MSR1: variants seen among roughly 807,000 people sequenced by gnomAD.
The protein encoded by MSR1 is macrophage scavenger receptor 1.
In MSR1, 53 loss-of-function variants were observed where a neutral mutation model predicts 47.2. The ratio of observed to expected loss-of-function variants is 1.12; its 90% CI spans 0.90 to 1.41. The LOEUF is 1.41. Ranked by LOEUF, MSR1 falls within the 40% of genes most tolerant of loss-of-function variation. The probability of loss-of-function intolerance (pLI) is 0.00; values close to 1 mark genes in which losing one functional copy is unlikely to be tolerated. For missense variants in MSR1, 786 were observed against 546.9 expected (o/e 1.44, Z -4.36); for synonymous variants, 239 against 185.6 (o/e 1.29, Z -2.34).
chr8:16,167,513 C>A (rs185949638), intron 4 of MSR1, among the ~76,000 whole-genome samples: 50 of 152,254 alleles, frequency 3.3e-4, no homozygotes, highest in Admixed American at 2.4e-3. Context: ...CCATTGCACT[C>A]CAGCCTGGGC....
intron 3 of MSR1, among the ~76,000 whole-genome samples, chr8:16,169,315 A>G (rs576469376): frequency 2.0e-4 from 30 of 152,358 alleles, no homozygotes; most frequent in Middle Eastern, 3.4e-3. Context: ...GACAAAAGCA[A>G]TAAGTGGTGA....
intron 9 of MSR1, among the ~76,000 whole-genome samples, chr8:16,114,643 C>T (rs1229757016): frequency 6.6e-6 from 1 of 152,042 alleles, no homozygotes; most frequent in Admixed American, 6.6e-5. Context: ...CTTAATTAAA[C>T]TTGTTTTGTC....
intron 9 of MSR1, among the ~76,000 whole-genome samples, chr8:16,116,433 A>G (rs76648343): frequency 6.6e-6 from 1 of 152,094 alleles, no homozygotes. Flanking sequence ...TGATAATAAA[A>G]CTCTGGGACA....
At chr8:16,174,430 C>T (rs59363869) in intron 3 of MSR1, among the ~76,000 whole-genome samples, 2,015 of 152,100 alleles carry the variant, frequency 0.013, 38 homozygotes, top group African/African-American at 0.046. Context: ...AAATGCTACG[C>T]GGGGAATAAT....
chr8:16,184,092 C>A (rs1286365510), intron 1 of MSR1, among the ~76,000 whole-genome samples: 1 of 151,324 alleles, frequency 6.6e-6, no homozygotes, highest in African/African-American at 2.4e-5. Flanking sequence ...CAATATGGAA[C>A]TGAGAGCAGT....
chr8:16,110,181 A>G lies in MSR1; in HGVS notation c.1260T>C (p.Phe420=). 6.2e-7 allele frequency: 1 copy of G among 1,613,658 alleles called. No individual in the cohort carries two copies. Among genetic ancestry groups the G allele is most frequent in the Non-Finnish European group, 8.5e-7 (1 of 1,179,662 alleles). ...ATTCTTCAATAGATGATTCTCTCCC[A>G]AAACAAAACACTTCATTCAGCCATA... is the stretch of plus-strand genomic sequence containing the variant. ...GPIWLNEVFC[F]GRESSIEECK... is the part of the protein sequence containing the mutation. The change falls in exon 10 of 10, where the codon TTT becomes TTC. Residue 420 remains phenylalanine (F), a synonymous_variant. Coordinates refer to ENST00000262101, the MANE Select transcript of MSR1 (RefSeq NM_138715.3).
intron 5 of MSR1, among the ~76,000 whole-genome samples, chr8:16,160,421 T>C (rs1303293558): frequency 2.6e-5 from 4 of 152,004 alleles, no homozygotes; most frequent in African/African-American, 2.4e-5. Context: ...TCAACACATA[T>C]GTAATTGCTC....
intron 5 of MSR1, among the ~76,000 whole-genome samples, chr8:16,157,392 T>A (rs1226939894): frequency 1.3e-5 from 2 of 151,858 alleles, no homozygotes; most frequent in African/African-American, 4.8e-5. Context: ...GAGTTAAAGA[T>A]CCCTCTCTGT....
At chr8:16,139,639 C>T in intron 8 of MSR1, 2 of 969,464 alleles carry the variant, frequency 2.1e-6, no homozygotes, top group Non-Finnish European at 2.4e-6. Flanking sequence ...TATTCTTTTT[C>T]ATGATCAAAA....
intron 8 of MSR1, 112 bp from the exon 9 acceptor site, chr8:16,120,718 T>G: frequency 7.7e-7 from 1 of 1,304,354 alleles, no homozygotes; most frequent in Non-Finnish European, 1.0e-6. Context: ...TTAGCACATT[T>G]TCCAAATAAC....
chr8:16,140,907 G>A, intron 8 of MSR1: 1 of 1,610,938 alleles, frequency 6.2e-7, no homozygotes, highest in Non-Finnish European at 8.5e-7. Flanking sequence ...GTCACAAAAG[G>A]ATCTTGGAAG....
At chr8:16,124,738 A>T (rs1278309348) in intron 8 of MSR1, among the ~76,000 whole-genome samples, 1 of 152,052 alleles carries the variant, frequency 6.6e-6, no homozygotes, top group Non-Finnish European at 1.5e-5. Flanking sequence ...ACTGAAAGAA[A>T]CCCGTTATAG....
intron 7 of MSR1, among the ~76,000 whole-genome samples, chr8:16,143,924 G>C (rs1412505306): frequency 6.6e-6 from 1 of 151,846 alleles, no homozygotes; most frequent in Non-Finnish European, 1.5e-5. Flanking sequence ...CCTTTGACTG[G>C]GTCTTACTCA....
At chr8:16,187,070 G>C (rs76111824) in intron 1 of MSR1, among the ~76,000 whole-genome samples, 22,356 of 151,716 alleles carry the variant, frequency 0.15, 2,183 homozygotes, top group African/African-American at 0.25. Flanking sequence ...CACTCAGGCC[G>C]TCATTAAAGT....
intron 1 of MSR1, among the ~76,000 whole-genome samples, chr8:16,189,349 A>T (rs1180207890): frequency 1.7e-5 from 2 of 119,846 alleles, no homozygotes; most frequent in Non-Finnish European, 3.2e-5. Context: ...ATAAAATCTT[A>T]TTTTATATAT....
chr8:16,191,199 G>A (rs954307297), intron 1 of MSR1, among the ~76,000 whole-genome samples: 14 of 152,240 alleles, frequency 9.2e-5, no homozygotes, highest in Non-Finnish European at 1.9e-4. Flanking sequence ...TAAGGAACCC[G>A]TCTGTAAGAC....
chr8:16,171,730 C>T (rs562595886), intron 3 of MSR1, among the ~76,000 whole-genome samples: 13 of 152,266 alleles, frequency 8.5e-5, no homozygotes, highest in East Asian at 7.7e-4. Context: ...TTTCCTCTAA[C>T]GTTGTCCTTT....
chr8:16,122,736 A>T, intron 8 of MSR1, among the ~76,000 whole-genome samples: 1 of 151,296 alleles, frequency 6.6e-6, no homozygotes, highest in Non-Finnish European at 1.5e-5. Context: ...CTGCTGATAC[A>T]ATCCTTTCAT....
chr8:16,188,967 CATATATATATATAT>C (rs200739372), intron 1 of MSR1, among the ~76,000 whole-genome samples: 4 of 122,276 alleles, frequency 3.3e-5, no homozygotes, highest in Admixed American at 8.5e-5. Flanking sequence ...AACACACATA[CATATATATATATAT>C]ATATATATAT....
Sources: allele counts gnomAD v4.1 joint callset (sites outside exome capture counted in the v4.1 genomes callset), GRCh38; gene constraint gnomAD v4.1.1; transcripts MANE v1.5; gene names NCBI Gene and HGNC (gene_info 2026-07-23, HGNC 2026-07-21).